Variants in CNTN1 observed in about 807,000 individuals in gnomAD.
CNTN1 encodes the protein contactin 1, also known as contactin-1.
Under a neutral mutation model 126.4 loss-of-function variants are expected in CNTN1, and 38 were observed. That is an observed-to-expected ratio of 0.30 (90% CI 0.23 to 0.39). The LOEUF is 0.39. Among genes scored for constraint, CNTN1 ranks in the 10% least tolerant of loss-of-function variants. The pLI, the probability that CNTN1 is intolerant of heterozygous loss-of-function variation, is 1.00. For synonymous variants in CNTN1, 413 were observed against 422.6 expected, an observed-to-expected ratio of 0.98 and a Z score of 0.28; for missense variants, 1,009 against 1,248.4, an observed-to-expected ratio of 0.81 and a Z score of 2.89.
intron 1 of CNTN1, among the ~76,000 whole-genome samples, chr12:40,697,953 T>C (rs1941491350): frequency 6.6e-6 from 1 of 152,220 alleles, no homozygotes; most frequent in African/African-American, 2.4e-5. Flanking sequence ...AGGCACTAAA[T>C]CTGCTTCTGC....
At chr12:40,700,351 C>A (rs932811181) in intron 1 of CNTN1, among the ~76,000 whole-genome samples, 3 of 151,920 alleles carry the variant, frequency 2.0e-5, no homozygotes, top group Non-Finnish European at 4.4e-5. Flanking sequence ...CATGGTGAAA[C>A]CCCATCTCTA....
At chr12:40,876,524 A>G (rs1943674680) in intron 1 of CNTN1, among the ~76,000 whole-genome samples, 1 of 152,096 alleles carries the variant, frequency 6.6e-6, no homozygotes. Context: ...TAAACCATCA[A>G]TATGACCACC....
chr12:40,844,999 G>A (rs1442643729), intron 1 of CNTN1, among the ~76,000 whole-genome samples: 1 of 152,136 alleles, frequency 6.6e-6, no homozygotes, highest in African/African-American at 2.4e-5. Flanking sequence ...TTCCAAACAT[G>A]TATATTTCTT....
intron 15 of CNTN1, among the ~76,000 whole-genome samples, chr12:40,964,546 G>A (rs1367265381): frequency 1.3e-5 from 2 of 151,818 alleles, no homozygotes; most frequent in East Asian, 3.9e-4. Flanking sequence ...GTGTGTGTGT[G>A]TGTGTGTGTG....
rs1401625939 is a variant in CNTN1, at chr12:40,939,437, C to T, written c.1331C>T (p.Pro444Leu). Residue 444 changes from proline to leucine, a missense_variant, in exon 12 of 24, where the codon CCA (proline) becomes CTA (leucine). By Grantham distance (98) the Pro-to-Leu change is moderately conservative (BLOSUM62 -3). Transcript: ENST00000551295. ...IECKPKAAPK[P>L]KFSWSKGTEW... ...TGCAAACCTAAAGCTGCACCGAAAC[C>T]AAAGTTTTCATGGAGTAAAGGGACA... 1 of 1,613,874 alleles carries T rather than the reference C, an allele frequency of 6.2e-7. No homozygotes were observed. Among genetic ancestry groups the T allele is most frequent in the South Asian group, 1.1e-5 (1 of 91,074 alleles).
chr12:41,065,245 C>CG (rs1229432358), intron 23 of CNTN1, among the ~76,000 whole-genome samples: 1 of 152,030 alleles, frequency 6.6e-6, no homozygotes, highest in Non-Finnish European at 1.5e-5. Context: ...TTAGTAGAAA[C>CG]GGGGTTTCAC....
chr12:40,798,949 C>T (rs1430753717), intron 1 of CNTN1, among the ~76,000 whole-genome samples: 2 of 151,228 alleles, frequency 1.3e-5, no homozygotes, highest in Admixed American at 1.3e-4. Context: ...AAGCAGAATA[C>T]AATATAAGCA....
intron 1 of CNTN1, among the ~76,000 whole-genome samples, chr12:40,701,749 C>A (rs947022852): frequency 7.2e-5 from 11 of 152,072 alleles, no homozygotes; most frequent in Admixed American, 6.5e-4. Context: ...ATGTTATTTT[C>A]TAATTTTGGT....
chr12:41,042,299 G>A (rs1433310054), intron 23 of CNTN1, among the ~76,000 whole-genome samples: 5 of 151,926 alleles, frequency 3.3e-5, no homozygotes, highest in African/African-American at 7.3e-5. Context: ...TATAATTTCT[G>A]TTCTTTTACA....
chr12:40,827,816 G>A (rs962603298), intron 1 of CNTN1, among the ~76,000 whole-genome samples: 2 of 152,022 alleles, frequency 1.3e-5, no homozygotes, highest in Non-Finnish European at 2.9e-5. Flanking sequence ...GTGATCAATA[G>A]CCCATTACTG....
intron 15 of CNTN1, among the ~76,000 whole-genome samples, chr12:40,966,213 G>A (rs1456027785): frequency 1.3e-5 from 2 of 152,064 alleles, no homozygotes; most frequent in Admixed American, 6.6e-5. Context: ...CTTTCCACTT[G>A]CTCTGGCCAA....
chr12:40,926,096 G>T lies in CNTN1; in HGVS notation c.496+1444G>T, dbSNP rs532321866. ...CAGGAAAAGCTACCAGCCTTCAGAG[G>T]TCTTCCACGGGGAGAGTCAGACATT... is the stretch of plus-strand genomic sequence containing the variant. On this transcript the variant is annotated intron_variant, in intron 6 of 23. Coordinates refer to ENST00000551295, the MANE Select transcript of CNTN1 (RefSeq NM_001843.4). 7.3e-5 allele frequency among the ~76,000 whole-genome samples: 11 copies of T among 151,164 alleles called. No homozygotes were observed. In the South Asian group the frequency reaches 2.1e-3, roughly 29 times the overall value.
At chr12:40,884,566 T>C (rs1943968867) in intron 1 of CNTN1, among the ~76,000 whole-genome samples, 1 of 151,498 alleles carries the variant, frequency 6.6e-6, no homozygotes, top group African/African-American at 2.4e-5. Flanking sequence ...CTACTTCTTG[T>C]AGCAGTATAG....
intron 1 of CNTN1, among the ~76,000 whole-genome samples, chr12:40,722,262 C>G (rs963342852): frequency 2.2e-4 from 33 of 152,254 alleles, no homozygotes; most frequent in African/African-American, 7.9e-4. Context: ...CTGTTCTGAA[C>G]TGGTTTAAGG....
chr12:41,068,157 C>A (rs890420713), intron 23 of CNTN1, among the ~76,000 whole-genome samples: 1 of 152,100 alleles, frequency 6.6e-6, no homozygotes. Flanking sequence ...GAATTCTAAT[C>A]CCTTCTCTGC....
At chr12:41,049,159 A>G (rs1010255574) in intron 23 of CNTN1, among the ~76,000 whole-genome samples, 7 of 152,144 alleles carry the variant, frequency 4.6e-5, no homozygotes, top group Admixed American at 4.6e-4. Context: ...GGTTTCTGGT[A>G]ATCATTCCAA....
At chr12:40,981,692 C>T (rs12812222) in intron 16 of CNTN1, among the ~76,000 whole-genome samples, 5,074 of 152,148 alleles carry the variant, frequency 0.033, 109 homozygotes, top group Middle Eastern at 0.11. Context: ...TGCCATTTGT[C>T]ATGACTAGCC....
At chr12:40,875,104 A>G (rs1305930303) in intron 1 of CNTN1, among the ~76,000 whole-genome samples, 1 of 152,166 alleles carries the variant, frequency 6.6e-6, no homozygotes, top group Admixed American at 6.5e-5. Context: ...ACTTAAATAT[A>G]ATGACTCATG....
At chr12:40,732,702 G>A (rs1421731554) in intron 1 of CNTN1, among the ~76,000 whole-genome samples, 1 of 152,034 alleles carries the variant, frequency 6.6e-6, no homozygotes, top group African/African-American at 2.4e-5. Flanking sequence ...GCACTGAAGT[G>A]TTAATGATTT....
Sources: allele counts gnomAD v4.1 joint callset (sites outside exome capture counted in the v4.1 genomes callset), GRCh38; gene constraint gnomAD v4.1.1; transcripts MANE v1.5; gene names NCBI Gene and HGNC (gene_info 2026-07-23, HGNC 2026-07-21).